TLL1: variants seen among roughly 807,000 people sequenced by gnomAD.
The protein encoded by TLL1 is tolloid-like protein 1.
A neutral mutation model predicts 128.2 loss-of-function variants in TLL1; 49 were observed. The ratio of observed to expected loss-of-function variants is 0.38; its 90% CI spans 0.30 to 0.48. TLL1 has a LOEUF of 0.48. Ranked by LOEUF, TLL1 falls within the 20% of genes least tolerant of loss-of-function variation. TLL1 has a pLI of 0.96. For missense variants in TLL1, 1,123 were observed against 1,242.0 expected (o/e 0.90, Z 1.44); for synonymous variants, 454 against 418.8 (o/e 1.08, Z -1.03).
intron 8 of TLL1, among the ~76,000 whole-genome samples, chr4:166,018,142 AC>A (rs1738038095): frequency 1.3e-5 from 2 of 151,742 alleles, no homozygotes; most frequent in African/African-American, 4.8e-5. Flanking sequence ...TTTTTTTCTT[AC>A]TCTTTTGTCA....
At chr4:166,019,830 A>G (rs930467593) in intron 8 of TLL1, among the ~76,000 whole-genome samples, 5 of 152,220 alleles carry the variant, frequency 3.3e-5, no homozygotes, top group African/African-American at 4.8e-5. Flanking sequence ...AATACCTTGT[A>G]ATACATTCTT....
In TLL1 at chr4:166,054,575, C is replaced by A. The variant is rs1015133704; in HGVS notation, c.1525-501C>A. ...TGCTATCCCTCCTCCCTCCCCCCAC[C>A]CCACCACAGTCCTCACAGTGTGATG... On this transcript the variant is annotated intron_variant, in intron 12 of 20. Transcript: ENST00000061240. Among the ~76,000 whole-genome samples, 2 of 122,776 alleles carry A rather than the reference C, an allele frequency of 1.6e-5. 1 individual carries two copies. Among genetic ancestry groups the A allele is most frequent in the Non-Finnish European group, 3.3e-5 (2 of 61,016 alleles). The allele number at this position is 122,776 out of a possible 152,430, so 80.5% of individuals were successfully genotyped here.
At position 166,025,269 on chromosome 4, in the gene TLL1, AT is replaced by A. The variant is rs749110603; in HGVS notation, c.1043-43del. On this transcript the variant is annotated intron_variant, in intron 8 of 20. Transcript: ENST00000061240. The stretch of plus-strand genomic sequence containing the variant: ...ATGGCTTTGTTTATGATATTCACGT[AT>A]TTTATATAAATTAACCAATGATCTT... The A allele has an allele frequency of 1.0e-5, 14 of 1,349,892 alleles. No homozygotes were observed. In the African/African-American group the frequency reaches 1.9e-4, roughly 18 times the overall value. 83.6% of individuals were successfully genotyped at this position (1,349,892 alleles called of 1,614,324 possible).
At chr4:166,048,453 G>C (rs1739564102) in intron 12 of TLL1, among the ~76,000 whole-genome samples, 1 of 152,090 alleles carries the variant, frequency 6.6e-6, no homozygotes, top group Non-Finnish European at 1.5e-5. Flanking sequence ...ACTAATACAG[G>C]AAGTTTTCTC....
chr4:166,029,691 G>A (rs1359372729), intron 9 of TLL1, among the ~76,000 whole-genome samples: 1 of 151,870 alleles, frequency 6.6e-6, no homozygotes, highest in East Asian at 1.9e-4. Flanking sequence ...TTTGTGCCTG[G>A]CAATCATCAT....
At chr4:165,891,733 C>G (rs1731415720) in intron 1 of TLL1, among the ~76,000 whole-genome samples, 1 of 152,176 alleles carries the variant, frequency 6.6e-6, no homozygotes, top group Non-Finnish European at 1.5e-5. Flanking sequence ...CTAGGAAGTT[C>G]CAAACTTTCC....
intron 1 of TLL1, among the ~76,000 whole-genome samples, chr4:165,880,866 G>T (rs1380015424): frequency 6.6e-6 from 1 of 152,170 alleles, no homozygotes; most frequent in Non-Finnish European, 1.5e-5. Context: ...GCCACCTCTG[G>T]TAGCTCCTGG....
Position 165,919,753 on chromosome 4 carries a change from C to G in TLL1, c.169+45680C>G, listed in dbSNP as rs138831989. 6.2e-3 allele frequency: 2,799 copies of G among 452,530 alleles called. 19 individuals carry two copies. The highest frequency in any genetic ancestry group is 9.1e-3 in the Non-Finnish European group (2,044 of 225,168). 28.0% of individuals were successfully genotyped at this position (452,530 alleles called of 1,614,324 possible). On this transcript the variant is annotated intron_variant, in intron 1 of 20. Coordinates refer to ENST00000061240, the MANE Select transcript of TLL1 (RefSeq NM_012464.5). Reference sequence around the variant, plus strand: ...TAGTCTGAAATGGCATGTGGCCAGACGTGGATGCAGTATTAGTGCCTCTTG... The same window carrying G: ...TAGTCTGAAATGGCATGTGGCCAGAGGTGGATGCAGTATTAGTGCCTCTTG...
intron 9 of TLL1, among the ~76,000 whole-genome samples, chr4:166,029,252 T>G (rs919274941): frequency 6.6e-6 from 1 of 152,038 alleles, no homozygotes; most frequent in Non-Finnish European, 1.5e-5. Flanking sequence ...CTTTCTTTCT[T>G]AATCAAATTA....
At chr4:166,057,427 A>G (rs1740075284) in intron 14 of TLL1, 118 bp downstream of exon 14, 2 of 1,415,474 alleles carry the variant, frequency 1.4e-6, no homozygotes, top group Non-Finnish European at 1.9e-6. Flanking sequence ...TCTTTCCTCA[A>G]TTAGTAAGAC....
At chr4:166,057,532 A>G (rs1362408678) in intron 14 of TLL1, among the ~76,000 whole-genome samples, 1 of 152,012 alleles carries the variant, frequency 6.6e-6, no homozygotes, top group Non-Finnish European at 1.5e-5. Flanking sequence ...CCTTGTTTAT[A>G]TATGTATAAC....
intron 1 of TLL1, among the ~76,000 whole-genome samples, chr4:165,945,805 C>T (rs1471157398): frequency 6.6e-6 from 1 of 152,104 alleles, no homozygotes; most frequent in African/African-American, 2.4e-5. Flanking sequence ...CCCAAGATAC[C>T]TGTCCACAGG....
chr4:165,967,814 G>A (rs1202201631), intron 1 of TLL1, among the ~76,000 whole-genome samples: 1 of 152,170 alleles, frequency 6.6e-6, no homozygotes, highest in African/African-American at 2.4e-5. Flanking sequence ...GAGAAAAGGA[G>A]TAGAGCAATG....
chr4:166,043,135 C>T, intron 11 of TLL1, 139 bp from the exon 12 acceptor site: 2 of 1,075,702 alleles, frequency 1.9e-6, no homozygotes, highest in Non-Finnish European at 2.8e-6. Flanking sequence ...TACATTACAA[C>T]CAGTCAACTT....
chr4:166,095,909 G>A (rs1273808914), intron 19 of TLL1, among the ~76,000 whole-genome samples: 1 of 151,994 alleles, frequency 6.6e-6, no homozygotes. Flanking sequence ...AAATGAATAG[G>A]TAGATTTGAT....
At chr4:166,046,179 A>T (rs149330413) in intron 12 of TLL1, among the ~76,000 whole-genome samples, 9 of 152,288 alleles carry the variant, frequency 5.9e-5, no homozygotes, top group African/African-American at 1.9e-4. Flanking sequence ...GGATGGATGG[A>T]TTATATGTAA....
intron 5 of TLL1, among the ~76,000 whole-genome samples, chr4:165,998,285 T>G (rs532654342): frequency 6.6e-6 from 1 of 152,254 alleles, no homozygotes; most frequent in African/African-American, 2.4e-5. Context: ...TTATGTAGCC[T>G]TTTATAGCTA....
rs1384383280 is a variant in TLL1 at position 166,039,070 on chromosome 4, A to C, written c.1159-269A>C. The stretch of plus-strand genomic sequence containing the variant: ...ACAATTGTCCAGATTAACTTTACAG[A>C]AACTTTTTGTTAATTGCTAACATAT... On this transcript the variant is annotated intron_variant, in intron 9 of 20. Transcript: ENST00000061240. 3.8e-3 allele frequency among the ~76,000 whole-genome samples: 575 copies of C among 152,292 alleles called. 4 individuals carry two copies. The highest frequency in any genetic ancestry group is 0.013 in the African/African-American group (544 of 41,550).
Position 166,057,286 on chromosome 4 carries a change from G to T in TLL1, c.1823G>T (p.Gly608Val), listed in dbSNP as rs1311382815. 6.2e-7 allele frequency: 1 copy of T among 1,613,846 alleles called. No homozygotes were observed. Among genetic ancestry groups the T allele is most frequent in the South Asian group, 1.1e-5 (1 of 91,082 alleles). ...QCACEPGYEL[G>V]PDRRSCEAAC... ...GCCTGTGAGCCTGGCTATGAGCTGG[G>T]CCCAGACAGAAGGAGCTGTGAAGGT... Residue 608 changes from glycine to valine, a missense_variant, in exon 14 of 21, where the codon GGC becomes GTC. Around this residue, in one of 3 missense-constraint regions of TLL1, gnomAD observed 634 missense variants for 672.4 expected, o/e 0.94. Transcript: ENST00000061240.
Sources: gnomAD v4.1 joint callset for allele counts (sites outside exome capture counted in the v4.1 genomes callset) on GRCh38, gnomAD v4.1.1 for gene constraint, gnomAD v4.1.1 regional missense constraint, MANE v1.5 for transcripts, NCBI Gene and HGNC (gene_info 2026-07-23, HGNC 2026-07-21) for gene names.